KIF27: variants seen among roughly 807,000 people sequenced by gnomAD.
KIF27 encodes kinesin-like protein KIF27.
KIF27 carries 84 observed loss-of-function variants against 141.8 expected under a neutral mutation model. The observed-to-expected ratio is 0.59, with a 90% CI of 0.50 to 0.71. The LOEUF is 0.71. KIF27 is among the 30% of genes least tolerant of loss of function. KIF27 has a pLI of 0.00. For missense variants in KIF27, 1,306 were observed against 1,628.4 expected (o/e 0.80, Z 3.41); for synonymous variants, 471 against 569.5 (o/e 0.83, Z 2.46).
At position 83,867,679 on chromosome 9, in the gene KIF27, A is replaced by G; in HGVS notation, c.2934+5T>C. 1.9e-6 allele frequency: 3 copies of G among 1,600,702 alleles called. No homozygotes were observed. Among genetic ancestry groups the G allele is most frequent in the Non-Finnish European group, 2.6e-6 (3 of 1,176,132 alleles). ...CAGAATCAAGTAGTGTATTAAACAG[A>G]ATACCTGACTAGATCTCAATTTCTT... On this transcript the variant is annotated splice_donor_5th_base_variant and intron_variant, in intron 13 of 17. Transcript: ENST00000297814.
intron 2 of KIF27, among the ~76,000 whole-genome samples, chr9:83,914,365 T>C (rs1012156925): frequency 6.6e-6 from 1 of 152,172 alleles, no homozygotes. Context: ...TGGAGAGTAT[T>C]GGCTTCTTAA....
At chr9:83,855,925 T>C (rs993192230) in intron 14 of KIF27, among the ~76,000 whole-genome samples, 8 of 152,224 alleles carry the variant, frequency 5.3e-5, no homozygotes, top group African/African-American at 1.9e-4. Flanking sequence ...AGTGTGAATA[T>C]AGAAACCCAA....
At chr9:83,870,448 T>A (rs1327887883) in intron 12 of KIF27, 71 bp downstream of exon 12, 2 of 1,584,156 alleles carry the variant, frequency 1.3e-6, no homozygotes, top group South Asian at 1.1e-5. Context: ...ATTACAGGTG[T>A]GAGTTTACCT....
chr9:83,880,559 A>G (rs1447414989), intron 10 of KIF27, 65 bp from the exon 11 acceptor site: 2 of 1,198,218 alleles, frequency 1.7e-6, no homozygotes, highest in Non-Finnish European at 2.4e-6. Context: ...ACTAAACTTA[A>G]TCTTTTCATT....
chr9:83,903,267 T>C lies in KIF27; in HGVS notation c.1251A>G (p.Glu417=). 1.2e-6 allele frequency: 2 copies of C among 1,614,200 alleles called. No homozygotes were observed. Among genetic ancestry groups the C allele is most frequent in the Middle Eastern group, 3.3e-4 (2 of 6,062 alleles). The change falls in exon 4 of 18, where the codon GAA becomes GAG. Residue 417 remains glutamate (E), a synonymous_variant. Coordinates refer to ENST00000297814, the MANE Select transcript of KIF27 (RefSeq NM_017576.4). ...TTAGGTCAACCAGGAAGGTAAAGGC[T>C]TCTTCTACACAACACTGGTAACCCA... The part of the protein sequence containing the change: ...ECLGYQCCVE[E]AFTFLVDLKD...
intron 15 of KIF27, among the ~76,000 whole-genome samples, chr9:83,852,059 C>T (rs528866140): frequency 2.1e-4 from 32 of 150,986 alleles, no homozygotes; most frequent in African/African-American, 7.3e-4. Flanking sequence ...ACCCGGGGGG[C>T]GGAGGTTGCA....
At position 83,884,039 on chromosome 9, in the gene KIF27, T is replaced by C. The variant is rs1951890194; in HGVS notation, c.2240-21A>G. The C allele has an allele frequency of 3.4e-6, 5 of 1,460,772 alleles. No homozygotes were observed. The South Asian group carries it at 3.9e-5, about 11-fold the overall frequency. The allele number at this position is 1,460,772 out of a possible 1,614,324, so 90.5% of individuals were successfully genotyped here. On this transcript the variant is annotated intron_variant, in intron 9 of 17. Transcript: ENST00000297814. ...ATTACCTTAACCGTAATAATAATTA[T>C]TATTAGTATAAATTATGTAAAAAGA...
intron 9 of KIF27, 76 bp downstream of exon 9, chr9:83,886,965 A>C (rs1952163596): frequency 2.1e-6 from 3 of 1,438,252 alleles, no homozygotes; most frequent in Non-Finnish European, 2.7e-6. Flanking sequence ...CAAAAACTAA[A>C]GTAACTGTTA....
chr9:83,859,731 C>T (rs528852565), intron 13 of KIF27: 131 of 213,708 alleles, frequency 6.1e-4, no homozygotes, highest in South Asian at 9.6e-4. Flanking sequence ...CAGGGTTTTA[C>T]CATGTTGCCC....
chr9:83,846,602 A>T (rs960482014), intron 16 of KIF27, among the ~76,000 whole-genome samples: 46 of 152,218 alleles, frequency 3.0e-4, no homozygotes, highest in African/African-American at 1.0e-3. Flanking sequence ...TATGCTCTGC[A>T]TCAGCATCCA....
In KIF27 at chr9:83,903,595, C is replaced by T; in HGVS notation, c.923G>A (p.Gly308Asp). ...ITRLLKDSLG[G>D]SAKTVMITCV... ...TGTGATCATGACAGTCTTAGCACTGCCTCCCAGAGAATCTTTCAGAAGCCG... is the reference window on the plus strand; with the variant it reads ...TGTGATCATGACAGTCTTAGCACTGTCTCCCAGAGAATCTTTCAGAAGCCG... The change falls in exon 4 of 18, where the codon GGC (glycine) becomes GAC (aspartate). Residue 308 changes from glycine (G) to aspartate (D), a missense_variant. This residue lies in a region of KIF27 where 533 missense variants were observed against 565.6 expected (regional missense o/e 0.94). Transcript: ENST00000297814. The T allele has an allele frequency of 6.2e-7, 1 of 1,614,132 alleles. No homozygotes were observed. Among genetic ancestry groups the T allele is most frequent in the East Asian group, 2.2e-5 (1 of 44,884 alleles).
chr9:83,867,532 C>T, intron 13 of KIF27, 152 bp downstream of exon 13: 1 of 1,051,802 alleles, frequency 9.5e-7, no homozygotes. Flanking sequence ...AGCAATTGCA[C>T]CATTTTCCAA....
chr9:83,905,520 T>C (rs1954429100), intron 3 of KIF27, among the ~76,000 whole-genome samples: 1 of 152,244 alleles, frequency 6.6e-6, no homozygotes, highest in Admixed American at 6.5e-5. Flanking sequence ...ATAATTCCTC[T>C]TTACTCAGAT....
At chr9:83,904,141 C>A in intron 3 of KIF27, 123 bp from the exon 4 acceptor site, 1 of 632,152 alleles carries the variant, frequency 1.6e-6, no homozygotes, top group South Asian at 2.5e-5. Flanking sequence ...AACAGCATTT[C>A]AGATAATAAT....
At chr9:83,883,564 G>A (rs558286951) in intron 10 of KIF27, among the ~76,000 whole-genome samples, 45 of 152,126 alleles carry the variant, frequency 3.0e-4, no homozygotes, top group Middle Eastern at 6.8e-3. Context: ...ACACTGTTTC[G>A]TGGTTACGTT....
chr9:83,848,231 GAT>G lies in KIF27; in HGVS notation c.3556+1866_3556+1867del, dbSNP rs1462192216. Reference sequence around the variant, plus strand: ...ATGATATATATGATATATCAGATATGATATATATGATATATCAGATATGATAT... The same window carrying G: ...ATGATATATATGATATATCAGATATGATATATGATATATCAGATATGATAT... On this transcript the variant is annotated intron_variant, in intron 16 of 17. Coordinates refer to ENST00000297814, the MANE Select transcript of KIF27 (RefSeq NM_017576.4). Among the ~76,000 whole-genome samples, 110 of 79,030 alleles carry G rather than the reference GAT, an allele frequency of 1.4e-3. 8 individuals are homozygous for G. The highest frequency in any genetic ancestry group is 1.9e-3 in the Non-Finnish European group (78 of 40,180). 51.8% of individuals were successfully genotyped at this position (79,030 alleles called of 152,430 possible). A position where few individuals can be genotyped will look rare whatever the true frequency, so the allele number is the denominator to read the frequency against.
chr9:83,905,138 G>A (rs1382786438), intron 3 of KIF27, among the ~76,000 whole-genome samples: 1 of 138,794 alleles, frequency 7.2e-6, no homozygotes, highest in Admixed American at 7.2e-5. Flanking sequence ...TTTTTTTCTT[G>A]AGATGGAGTC....
At chr9:83,846,502 C>T (rs1267755943) in intron 16 of KIF27, among the ~76,000 whole-genome samples, 5 of 152,178 alleles carry the variant, frequency 3.3e-5, no homozygotes, top group Admixed American at 6.5e-5. Flanking sequence ...ATTGATGGAA[C>T]GGTGGAATGG....
Position 83,921,431 on chromosome 9 carries a change from A to G in KIF27, c.-148T>C, listed in dbSNP as rs1053291305. ...CTGGACTCCTCAGCTTCGCTCTGCC[A>G]CACCGCGCAGCCGCCGTCCGCGTCT... On this transcript the variant is annotated 5_prime_UTR_variant, in exon 1 of 18. Transcript: ENST00000297814. 1.3e-5 allele frequency: 2 copies of G among 152,682 alleles called. No individual in the cohort carries two copies. The highest frequency in any genetic ancestry group is 2.1e-4 in the South Asian group (1 of 4,846). 9.5% of individuals were successfully genotyped at this position (152,682 alleles called of 1,614,324 possible).
Sources: allele counts gnomAD v4.1 joint callset (sites outside exome capture counted in the v4.1 genomes callset), GRCh38; gene constraint gnomAD v4.1.1; regional missense constraint gnomAD v4.1.1; transcripts MANE v1.5; gene names NCBI Gene and HGNC (gene_info 2026-07-23, HGNC 2026-07-21).